The following ANKRD17 variants were observed in gnomAD, a reference collection of about 807,000 sequenced individuals.
The protein encoded by ANKRD17 is ankyrin repeat domain-containing protein 17.
Under a neutral mutation model 229.7 loss-of-function variants are expected in ANKRD17, and 19 were observed. That is an observed-to-expected ratio of 0.08 (90% CI 0.06 to 0.12). The LOEUF (loss-of-function observed/expected upper bound fraction) is 0.12. Ranked by LOEUF, ANKRD17 falls within the 10% of genes least tolerant of loss-of-function variation. The pLI, the probability that ANKRD17 is intolerant of heterozygous loss-of-function variation, is 1.00. For missense variants in ANKRD17, 2,176 were observed against 3,176.8 expected (o/e 0.68, Z 7.57); for synonymous variants, 1,112 against 1,146.1 (o/e 0.97, Z 0.60).
chr4:73,253,120 T>C (rs137931279), intron 1 of ANKRD17, among the ~76,000 whole-genome samples: 49 of 152,354 alleles, frequency 3.2e-4, no homozygotes, highest in African/African-American at 1.2e-3. Flanking sequence ...TTATTAGCTA[T>C]GTGACCCTGA....
intron 1 of ANKRD17, among the ~76,000 whole-genome samples, chr4:73,203,855 G>T (rs1283825918): frequency 6.6e-6 from 1 of 151,116 alleles, no homozygotes; most frequent in Non-Finnish European, 1.5e-5. Flanking sequence ...ACGTTCCACA[G>T]TCTTCAAGAA....
chr4:73,149,668 C>A (rs765854209), intron 7 of ANKRD17, among the ~76,000 whole-genome samples: 1 of 151,902 alleles, frequency 6.6e-6, no homozygotes, highest in East Asian at 1.9e-4. Context: ...GGAGTTTGAG[C>A]CAGGCCTGGG....
intron 3 of ANKRD17, among the ~76,000 whole-genome samples, chr4:73,159,972 T>A (rs1186267195): frequency 5.3e-5 from 8 of 152,160 alleles, no homozygotes; most frequent in Non-Finnish European, 7.4e-5. Flanking sequence ...CTCTTAAAAA[T>A]GTTGTATGAA....
chr4:73,091,918 G>A lies in ANKRD17; in HGVS notation c.5710C>T (p.Arg1904Cys), dbSNP rs1166319079. The change falls in exon 29 of 34, where the codon CGT becomes TGT. Residue 1904 changes from arginine to cysteine, a missense_variant. Arg to Cys is a radical substitution (Grantham distance 180). Around this residue, in one of 18 missense-constraint regions of ANKRD17, gnomAD observed 142 missense variants for 200.4 expected, o/e 0.71. Transcript: ENST00000358602. ...LLAAQTFQQIRPPRLPMTHFG... is the reference protein window; with the variant it reads ...LLAAQTFQQICPPRLPMTHFG... ...TGGGTCATGGGCAACCTTGGTGGAC[G>A]GATCTGCTGGAAAGTCTGAGCAGCA... The A allele has an allele frequency of 1.2e-6, 2 of 1,614,180 alleles. No homozygotes were observed. Among genetic ancestry groups the A allele is most frequent in the Non-Finnish European group, 1.7e-6 (2 of 1,180,038 alleles).
chr4:73,080,560 T>C (rs1011475478), intron 30 of ANKRD17, among the ~76,000 whole-genome samples: 4 of 152,212 alleles, frequency 2.6e-5, no homozygotes, highest in African/African-American at 9.6e-5. Context: ...CAAAAGCTTG[T>C]TTTTTAAAAA....
chr4:73,090,735 T>C lies in ANKRD17; in HGVS notation c.6893A>G (p.His2298Arg). The C allele has an allele frequency of 6.2e-7, 1 of 1,614,166 alleles. No individual in the cohort carries two copies. The highest frequency in any genetic ancestry group is 8.5e-7 in the Non-Finnish European group (1 of 1,180,010). The change falls in exon 29 of 34, where the codon CAT becomes CGT. Residue 2298 changes from histidine to arginine, a missense_variant. Physicochemically the swap from His to Arg is conservative, Grantham distance 29. This residue lies in a region of ANKRD17 where 424 missense variants were observed against 454.0 expected (regional missense o/e 0.93). Coordinates refer to ENST00000358602, the MANE Select transcript of ANKRD17 (RefSeq NM_032217.5). ...TGGAGCTTTGGAAGTATCAGACTGA[T>C]GTAAAGGATCTGAATTTGGCAAATA... ...SSYLPNSDPL[H>R]QSDTSKAPGF...
intron 22 of ANKRD17, among the ~76,000 whole-genome samples, chr4:73,118,294 A>G (rs1455225948): frequency 1.3e-5 from 2 of 152,096 alleles, no homozygotes; most frequent in African/African-American, 4.8e-5. Context: ...CCCCGCCCCC[A>G]GCAAAATAAC....
rs1389145659 is a variant in ANKRD17, at chr4:73,092,023, G to C, written c.5605C>G (p.Pro1869Ala). The stretch of plus-strand genomic sequence containing the variant: ...AAACCAGGCCTCACATTATTCACTG[G>C]GTTCTTAATGGTTTTGTGAGTGGAT... ...SASTHKTIKN[P>A]VNNVRPGFPV... The change falls in exon 29 of 34, where the codon CCA becomes GCA. Residue 1869 changes from proline to alanine, a missense_variant. By Grantham distance (27) the Pro-to-Ala change is conservative. Coordinates refer to ENST00000358602, the MANE Select transcript of ANKRD17 (RefSeq NM_032217.5). 2 of 1,614,154 alleles carry C rather than the reference G, an allele frequency of 1.2e-6. No individual in the cohort carries two copies. The highest frequency in any genetic ancestry group is 4.5e-5 in the East Asian group (2 of 44,878).
At chr4:73,134,983 A>T in intron 16 of ANKRD17, 134 bp downstream of exon 16, 1 of 823,838 alleles carries the variant, frequency 1.2e-6, no homozygotes. Context: ...GTGAACTTTA[A>T]TTAATTTAAA....
Position 73,171,240 on chromosome 4 carries a change from T to A in ANKRD17, c.547+6140A>T, listed in dbSNP as rs1440458914. ...GAGAGAGACTGAGACTCCATTTGTT[T>A]GGGAGAAAGAAAAGAGAAGAAGAGT... On this transcript the variant is annotated intron_variant, in intron 2 of 33. Transcript: ENST00000358602. Among the ~76,000 whole-genome samples, 3 of 143,312 alleles carry A rather than the reference T, an allele frequency of 2.1e-5. No homozygotes were observed. The East Asian group carries it at 6.0e-4, about 29-fold the overall frequency. The allele number at this position is 143,312 out of a possible 152,430, so 94.0% of individuals were successfully genotyped here.
intron 1 of ANKRD17, among the ~76,000 whole-genome samples, chr4:73,196,001 TTTC>T (rs1737820966): frequency 6.6e-6 from 1 of 150,392 alleles, no homozygotes; most frequent in Non-Finnish European, 1.5e-5. Flanking sequence ...AAGAACCATG[TTTC>T]TTTTTTTTTT....
chr4:73,107,693 C>A (rs1034868605), intron 24 of ANKRD17, among the ~76,000 whole-genome samples: 1 of 152,132 alleles, frequency 6.6e-6, no homozygotes, highest in South Asian at 2.1e-4. Flanking sequence ...TAAGTTAGAA[C>A]TGGACCCAGT....
intron 30 of ANKRD17, among the ~76,000 whole-genome samples, chr4:73,084,060 T>C (rs957345453): frequency 4.6e-5 from 7 of 152,132 alleles, no homozygotes; most frequent in Non-Finnish European, 7.4e-5. Flanking sequence ...CTTAGTTGAG[T>C]TGAATTCTCT....
At chr4:73,120,771 A>G (rs2148697336) in intron 20 of ANKRD17, 110 bp downstream of exon 20, 2 of 849,162 alleles carry the variant, frequency 2.4e-6, no homozygotes, top group Admixed American at 2.8e-5. Flanking sequence ...ATATATACAT[A>G]GGAGATAAAT....
intron 2 of ANKRD17, among the ~76,000 whole-genome samples, chr4:73,167,548 T>G (rs1296860310): frequency 2.0e-5 from 3 of 152,136 alleles, no homozygotes; most frequent in Non-Finnish European, 4.4e-5. Flanking sequence ...TCTTAAGCAT[T>G]TGAAGAACAC....
intron 1 of ANKRD17, among the ~76,000 whole-genome samples, chr4:73,255,055 A>G (rs1745339087): frequency 6.6e-6 from 1 of 152,200 alleles, no homozygotes; most frequent in Non-Finnish European, 1.5e-5. Flanking sequence ...TTTTGTGTCA[A>G]ATAGATGGGG....
chr4:73,202,318 TAAAAAAAAAAAAAAAAA>T (rs10533861), intron 1 of ANKRD17, among the ~76,000 whole-genome samples: 87 of 21,910 alleles, frequency 4.0e-3, no homozygotes, highest in African/African-American at 0.015. Context: ...GGAACAGGAT[TAAAAAAAAAAAAAAAAA>T]AAAAAAAAAA....
rs567791514 is a variant in ANKRD17, at chr4:73,073,538, G to A, written c.*2693C>T. ...GGTTATTTGAGTCAAAACACGGATG[G>A]ACTATTATTTTTGTGAAGAACAAGA... On this transcript the variant is annotated 3_prime_UTR_variant, in exon 34 of 34. Transcript: ENST00000358602. 3.3e-5 allele frequency: 5 copies of A among 151,944 alleles called. No homozygotes were observed. The highest frequency in any genetic ancestry group is 7.4e-5 in the Non-Finnish European group (5 of 67,878). The allele number at this position is 151,944 out of a possible 1,614,324, so 9.4% of individuals were successfully genotyped here.
At chr4:73,190,123 TGTTG>T (rs1158563915) in intron 1 of ANKRD17, among the ~76,000 whole-genome samples, 15 of 152,142 alleles carry the variant, frequency 9.9e-5, no homozygotes, top group Admixed American at 6.5e-4. Flanking sequence ...AATCCTAGCA[TGTTG>T]GGAGGCTGAG....
Sources: allele counts gnomAD v4.1 joint callset (sites outside exome capture counted in the v4.1 genomes callset), GRCh38; gene constraint gnomAD v4.1.1; regional missense constraint gnomAD v4.1.1; transcripts MANE v1.5; gene names NCBI Gene and HGNC (gene_info 2026-07-23, HGNC 2026-07-21).